Variants in RBFOX1 observed in about 807,000 individuals in gnomAD.
The protein encoded by RBFOX1 is RNA binding protein fox-1 homolog 1.
RBFOX1 carries 8 observed loss-of-function variants against 57.7 expected under a neutral mutation model. The observed-to-expected ratio is 0.14, with a 90% CI of 0.08 to 0.25. The LOEUF (loss-of-function observed/expected upper bound fraction) is 0.25. Ranked by LOEUF, RBFOX1 falls within the 10% of genes least tolerant of loss-of-function variation. The pLI, the probability that RBFOX1 is intolerant of heterozygous loss-of-function variation, is 1.00. For missense variants in RBFOX1, 611 were observed against 548.5 expected (o/e 1.11, Z -1.14); for synonymous variants, 326 against 222.4 (o/e 1.47, Z -4.15).
At chr16:7,230,230 G>C (rs1333837186) in intron 4 of RBFOX1, among the ~76,000 whole-genome samples, 1 of 151,980 alleles carries the variant, frequency 6.6e-6, no homozygotes, top group Non-Finnish European at 1.5e-5. Context: ...AAGACATTTG[G>C]GAAATGATGA....
At chr16:6,744,228 T>A (rs565277182) in intron 3 of RBFOX1, among the ~76,000 whole-genome samples, 68 of 152,124 alleles carry the variant, frequency 4.5e-4, no homozygotes, top group African/African-American at 1.6e-3. Flanking sequence ...GAAACAAAAC[T>A]GTTGGAACTG....
intron 3 of RBFOX1, among the ~76,000 whole-genome samples, chr16:6,985,983 G>T (rs534184007): frequency 6.6e-6 from 1 of 151,338 alleles, no homozygotes; most frequent in South Asian, 2.1e-4. Flanking sequence ...CTTACCGGAC[G>T]AGAGAAATTT....
chr16:5,483,749 A>G (rs944799735), intron 2 of RBFOX1, among the ~76,000 whole-genome samples: 2 of 152,220 alleles, frequency 1.3e-5, no homozygotes, highest in Admixed American at 1.3e-4. Flanking sequence ...GCTGTGTAAC[A>G]AATTACCCCC....
chr16:6,448,156 C>CTTTCTTTTTTTT (rs2094523593), intron 2 of RBFOX1, among the ~76,000 whole-genome samples: 31 of 78,462 alleles, frequency 4.0e-4, no homozygotes, highest in African/African-American at 1.4e-3. Context: ...TCTTTTCTTT[C>CTTTCTTTTTTTT]TTTTTTTTTT....
chr16:6,401,934 G>T (rs2093086354), intron 2 of RBFOX1, among the ~76,000 whole-genome samples: 1 of 151,770 alleles, frequency 6.6e-6, no homozygotes, highest in African/African-American at 2.4e-5. Flanking sequence ...GATGAGAGAA[G>T]AAAATACCCA....
At chr16:7,537,652 G>A (rs1567721451) in intron 5 of RBFOX1, among the ~76,000 whole-genome samples, 2 of 152,136 alleles carry the variant, frequency 1.3e-5, no homozygotes, top group African/African-American at 4.8e-5. Context: ...ACCTTGCCAA[G>A]GGAAGTAGGA....
intron 1 of RBFOX1, among the ~76,000 whole-genome samples, chr16:5,461,879 C>T (rs1411401273): frequency 1.3e-5 from 2 of 152,162 alleles, no homozygotes; most frequent in Non-Finnish European, 2.9e-5. Flanking sequence ...TCACTGAGCT[C>T]ATAGAGTCTA....
intron 3 of RBFOX1, among the ~76,000 whole-genome samples, chr16:7,039,749 G>A (rs981987982): frequency 2.0e-5 from 3 of 152,142 alleles, no homozygotes; most frequent in African/African-American, 7.2e-5. Context: ...CCATACGTCG[G>A]ATTATAGGAC....
intron 2 of RBFOX1, among the ~76,000 whole-genome samples, chr16:6,569,174 C>T (rs545782387): frequency 6.6e-6 from 1 of 152,138 alleles, no homozygotes; most frequent in African/African-American, 2.4e-5. Flanking sequence ...TTTCTTCTTA[C>T]AGAATTGTGG....
intron 3 of RBFOX1, among the ~76,000 whole-genome samples, chr16:5,672,582 A>G (rs1440074165): frequency 6.9e-6 from 1 of 145,586 alleles, no homozygotes; most frequent in Non-Finnish European, 1.5e-5. Context: ...TTTGAAGAAA[A>G]CAAAACAACC....
At position 7,597,417 on chromosome 16, in the gene RBFOX1, A is replaced by G. The variant is rs534627828; in HGVS notation, c.608A>G (p.Asn203Ser). Residue 203 changes from asparagine (N) to serine (S), a missense_variant, in exon 9 of 16, where the codon AAC becomes AGC. Physicochemically the swap from Asn to Ser is conservative, Grantham distance 46. Coordinates refer to ENST00000550418, the MANE Select transcript of RBFOX1 (RefSeq NM_018723.4). ...GTAATGACAAATAAAAAGACCGTCA[A>G]CCCTTATACAAATGGTAAGTAGAGA... ...ARVMTNKKTVNPYTNGWKLNP... is the reference protein window; with the variant it reads ...ARVMTNKKTVSPYTNGWKLNP... 3 of 1,609,890 alleles carry G rather than the reference A, an allele frequency of 1.9e-6. No homozygotes were observed. Among genetic ancestry groups the G allele is most frequent in the African/African-American group, 1.3e-5 (1 of 74,932 alleles).
chr16:7,058,127 T>C (rs2053048748), intron 4 of RBFOX1, among the ~76,000 whole-genome samples: 1 of 152,102 alleles, frequency 6.6e-6, no homozygotes, highest in Non-Finnish European at 1.5e-5. Context: ...CTGCTAGCTC[T>C]GTATTTCTCA....
intron 2 of RBFOX1, among the ~76,000 whole-genome samples, chr16:6,598,281 C>T (rs1013401864): frequency 4.6e-5 from 7 of 152,108 alleles, no homozygotes; most frequent in Non-Finnish European, 8.8e-5. Context: ...CCTTTCTTGT[C>T]AGGATCTAAA....
intron 3 of RBFOX1, among the ~76,000 whole-genome samples, chr16:6,946,536 G>C (rs1222732151): frequency 6.6e-6 from 1 of 152,112 alleles, no homozygotes; most frequent in Non-Finnish European, 1.5e-5. Context: ...TGTTTTCTAA[G>C]AACCTTCTTT....
chr16:5,428,105 G>C (rs1422703120), intron 1 of RBFOX1, among the ~76,000 whole-genome samples: 1 of 137,972 alleles, frequency 7.2e-6, no homozygotes, highest in African/African-American at 2.5e-5. Context: ...GCTCTGGAAG[G>C]GTGTGTGTGT....
intron 1 of RBFOX1, among the ~76,000 whole-genome samples, chr16:6,111,079 C>G (rs2096441449): frequency 6.6e-6 from 1 of 152,060 alleles, no homozygotes; most frequent in Non-Finnish European, 1.5e-5. Flanking sequence ...TCATGCTAGA[C>G]TTAGGAAGTG....
intron 4 of RBFOX1, among the ~76,000 whole-genome samples, chr16:7,151,266 C>G (rs1342154877): frequency 1.3e-5 from 2 of 152,174 alleles, no homozygotes; most frequent in East Asian, 1.9e-4. Flanking sequence ...CTTGCCTTCA[C>G]TTGGATTCAG....
intron 4 of RBFOX1, among the ~76,000 whole-genome samples, chr16:7,257,757 A>T (rs891196233): frequency 1.3e-5 from 2 of 152,216 alleles, no homozygotes; most frequent in Non-Finnish European, 2.9e-5. Context: ...ATTTCAGTAG[A>T]ACTCTGCAGA....
intron 3 of RBFOX1, among the ~76,000 whole-genome samples, chr16:6,755,132 C>T (rs1247775617): frequency 6.6e-6 from 1 of 152,142 alleles, no homozygotes; most frequent in Non-Finnish European, 1.5e-5. Context: ...GGTTCCAAGT[C>T]TTTGCTATTG....
Sources: gnomAD v4.1 joint callset for allele counts (sites outside exome capture counted in the v4.1 genomes callset) on GRCh38, gnomAD v4.1.1 for gene constraint, MANE v1.5 for transcripts, NCBI Gene and HGNC (gene_info 2026-07-23, HGNC 2026-07-21) for gene names.